The following NCOA3 variants were observed in gnomAD, a reference collection of about 807,000 sequenced individuals.
NCOA3 encodes the protein CBP-interacting protein.
In NCOA3, 51 loss-of-function variants were observed where a neutral mutation model predicts 158.8. That is an observed-to-expected ratio of 0.32 (90% CI 0.26 to 0.41). The LOEUF is 0.41. Among genes scored for constraint, NCOA3 ranks in the 10% least tolerant of loss-of-function variants. The probability of loss-of-function intolerance (pLI) is 1.00; values close to 1 mark genes in which losing one functional copy is unlikely to be tolerated. For synonymous variants in NCOA3, 537 were observed against 592.4 expected, an observed-to-expected ratio of 0.91 and a Z score of 1.36; for missense variants, 1,510 against 1,746.6, an observed-to-expected ratio of 0.86 and a Z score of 2.41.
intron 9 of NCOA3, 148 bp downstream of exon 9, chr20:47,633,784 C>A: frequency 1.1e-6 from 1 of 927,254 alleles, no homozygotes. Flanking sequence ...GTGCACACCA[C>A]CATACCTGGT....
chr20:47,652,307 C>T (rs952244320), intron 20 of NCOA3, 99 bp from the exon 21 acceptor site: 7 of 993,350 alleles, frequency 7.0e-6, no homozygotes, highest in Non-Finnish European at 8.9e-6. Flanking sequence ...CCCTCCACCC[C>T]CACCTCCTTT....
At chr20:47,600,144 G>GTGTGTA (rs2085834196) in intron 2 of NCOA3, among the ~76,000 whole-genome samples, 1 of 144,274 alleles carries the variant, frequency 6.9e-6, no homozygotes, top group Non-Finnish European at 1.5e-5. Flanking sequence ...GTGTGTGTGT[G>GTGTGTA]TATTTTATAT....
chr20:47,623,697 A>T (rs2086276771), intron 3 of NCOA3, among the ~76,000 whole-genome samples: 2 of 152,092 alleles, frequency 1.3e-5, no homozygotes, highest in Admixed American at 1.3e-4. Flanking sequence ...CTGAGTCAGG[A>T]GAATTGCCTG....
At chr20:47,635,793 T>G in intron 11 of NCOA3, 80 bp downstream of exon 11, 1 of 1,486,352 alleles carries the variant, frequency 6.7e-7, no homozygotes, top group Non-Finnish European at 9.0e-7. Flanking sequence ...TCTTGTAAAG[T>G]TAATCTATTT....
intron 1 of NCOA3, 110 bp downstream of exon 1, chr20:47,502,129 C>T: frequency 2.5e-6 from 1 of 398,162 alleles, no homozygotes; most frequent in Admixed American, 4.4e-5. Flanking sequence ...TCAGATCTGC[C>T]AAGGCACTGA....
At chr20:47,646,865 A>G (rs1330605036) in intron 17 of NCOA3, among the ~76,000 whole-genome samples, 2 of 152,194 alleles carry the variant, frequency 1.3e-5, no homozygotes, top group Non-Finnish European at 2.9e-5. Context: ...CTTCTTCAGA[A>G]TATCAACTTT....
At chr20:47,634,920 C>CTTTTTTT (rs66801245) in intron 10 of NCOA3, among the ~76,000 whole-genome samples, 1 of 120,134 alleles carries the variant, frequency 8.3e-6, no homozygotes, top group Non-Finnish European at 1.7e-5. Context: ...TTCTCTTCTT[C>CTTTTTTT]TTTTTTTTTT....
intron 1 of NCOA3, among the ~76,000 whole-genome samples, chr20:47,502,460 C>A (rs1602304673): frequency 1.3e-5 from 2 of 152,174 alleles, no homozygotes; most frequent in East Asian, 3.8e-4. Context: ...AGGGAAAAGC[C>A]GCGGGGACCC....
intron 1 of NCOA3, among the ~76,000 whole-genome samples, chr20:47,537,816 T>A (rs938011586): frequency 6.6e-6 from 1 of 152,022 alleles, no homozygotes; most frequent in Non-Finnish European, 1.5e-5. Flanking sequence ...CCTGACCTGG[T>A]TGTGATCTGC....
rs766490949 is a variant in NCOA3 at position 47,639,692 on chromosome 20, A to C, written c.2823A>C (p.Pro941=). ...EPMNSNSMGR[P]GGDYNTSLPR... is the part of the protein sequence containing the mutation. ...TGAATTCAAACTCCATGGGAAGACC[A>C]GGAGGAGATTATAATACTTCTTTAC... Residue 941 remains proline, a synonymous_variant, in exon 15 of 23, where the codon CCA becomes CCC. Transcript: ENST00000371998. The C allele has an allele frequency of 6.2e-7, 1 of 1,614,180 alleles. No homozygotes were observed. Among genetic ancestry groups the C allele is most frequent in the Non-Finnish European group, 8.5e-7 (1 of 1,180,012 alleles).
rs1555802260 is a variant in NCOA3, at chr20:47,542,028, T to TTTG, written c.-99+40025_-99+40027dup. 2.3e-3 allele frequency among the ~76,000 whole-genome samples: 189 copies of TTTG among 81,508 alleles called. 1 individual carries two copies. The Middle Eastern group carries it at 0.028, about 12-fold the overall frequency. The allele number at this position is 81,508 out of a possible 152,430, so 53.5% of individuals were successfully genotyped here. A position where few individuals can be genotyped will look rare whatever the true frequency, so the allele number is the denominator to read the frequency against. On this transcript the variant is annotated intron_variant, in intron 1 of 22. Coordinates refer to ENST00000371998, the MANE Select transcript of NCOA3 (RefSeq NM_181659.3). The stretch of plus-strand genomic sequence containing the variant: ...TGTAGAGTTTTTTTTTTTTTTTTTT[T>TTTG]TTGTTGTTGTTGTTGTTGGAGGGAC...
intron 2 of NCOA3, among the ~76,000 whole-genome samples, chr20:47,595,898 G>T (rs1394304546): frequency 1.3e-5 from 2 of 152,118 alleles, no homozygotes; most frequent in East Asian, 3.8e-4. Flanking sequence ...AGGATTAAAT[G>T]GGAGTAATAA....
chr20:47,511,550 T>TATATATATATACAC, intron 1 of NCOA3, among the ~76,000 whole-genome samples: 4,171 of 52,134 alleles, frequency 0.08, 466 homozygotes, highest in South Asian at 0.12. Context: ...TATATATATA[T>TATATATATATACAC]ATATATTTCT....
At chr20:47,619,882 G>A (rs1407083151) in intron 2 of NCOA3, among the ~76,000 whole-genome samples, 2 of 150,614 alleles carry the variant, frequency 1.3e-5, no homozygotes, top group African/African-American at 2.4e-5. Flanking sequence ...TGCAACCTCC[G>A]CCTTCCGGGT....
At position 47,642,200 on chromosome 20, in the gene NCOA3, A is replaced by G. The variant is rs537601467; in HGVS notation, c.3081-13A>G. Reference sequence around the variant, plus strand: ...AAAAGCACCATTGACATTGATTGCAAGTCTTTTTCTAGGCCTCTTCTTAGG... The same window carrying G: ...AAAAGCACCATTGACATTGATTGCAGGTCTTTTTCTAGGCCTCTTCTTAGG... On this transcript the variant is annotated splice_polypyrimidine_tract_variant and intron_variant, in intron 16 of 22. Coordinates refer to ENST00000371998, the MANE Select transcript of NCOA3 (RefSeq NM_181659.3). 1 of 1,548,814 alleles carries G rather than the reference A, an allele frequency of 6.5e-7. No homozygotes were observed. The highest frequency in any genetic ancestry group is 1.2e-5 in the South Asian group (1 of 80,670).
intron 2 of NCOA3, among the ~76,000 whole-genome samples, chr20:47,621,928 C>T (rs113348635): frequency 6.6e-6 from 1 of 152,054 alleles, no homozygotes; most frequent in Non-Finnish European, 1.5e-5. Context: ...CCACCTGCCT[C>T]GACCTCCCAA....
At chr20:47,623,062 A>C (rs1207440864) in intron 3 of NCOA3, 1 of 152,234 alleles carries the variant, frequency 6.6e-6, no homozygotes. Context: ...TTATAAGTTG[A>C]TATTTTGTCA....
chr20:47,629,229 A>T (rs1057493726), intron 8 of NCOA3, among the ~76,000 whole-genome samples: 7 of 152,210 alleles, frequency 4.6e-5, no homozygotes, highest in Non-Finnish European at 8.8e-5. Context: ...TGCCATCAGT[A>T]ACCTATCTTC....
At chr20:47,520,297 CTCTT>C (rs2084308215) in intron 1 of NCOA3, among the ~76,000 whole-genome samples, 1 of 152,126 alleles carries the variant, frequency 6.6e-6, no homozygotes, top group Non-Finnish European at 1.5e-5. Context: ...CTCTGTCTCT[CTCTT>C]TCTCTCTTTG....
Sources: allele counts gnomAD v4.1 joint callset (sites outside exome capture counted in the v4.1 genomes callset), GRCh38; gene constraint gnomAD v4.1.1; transcripts MANE v1.5; gene names NCBI Gene and HGNC (gene_info 2026-07-23, HGNC 2026-07-21).